XDH: variants seen among roughly 807,000 people sequenced by gnomAD.
The protein encoded by XDH is xanthine dehydrogenase/oxidase.
Under a neutral mutation model 156.1 loss-of-function variants are expected in XDH, and 138 were observed. The observed-to-expected ratio is 0.88, with a 90% CI of 0.77 to 1.02. The LOEUF is 1.02. Ranked by LOEUF, XDH falls within the 50% of genes least tolerant of loss-of-function variation. The pLI is 0.00. For missense variants in XDH, 1,849 were observed against 1,684.9 expected (o/e 1.10, Z -1.71); for synonymous variants, 669 against 625.7 (o/e 1.07, Z -1.03).
intron 23 of XDH, among the ~76,000 whole-genome samples, chr2:31,364,659 T>C (rs966729158): frequency 1.3e-5 from 2 of 152,118 alleles, no homozygotes; most frequent in Non-Finnish European, 2.9e-5. Flanking sequence ...AAGTTTCATT[T>C]CACAGGAGCA....
intron 24 of XDH, among the ~76,000 whole-genome samples, chr2:31,363,344 C>G (rs1013363873): frequency 6.6e-6 from 1 of 152,072 alleles, no homozygotes; most frequent in East Asian, 1.9e-4. Context: ...ATAGATGAAC[C>G]TACAAAACAT....
intron 30 of XDH, among the ~76,000 whole-genome samples, chr2:31,346,341 G>A (rs747981832): frequency 2.0e-5 from 3 of 152,110 alleles, no homozygotes; most frequent in Non-Finnish European, 2.9e-5. Context: ...TTCTCCCCAC[G>A]CTGTCACAGA....
chr2:31,392,054 T>C (rs1277577502), intron 6 of XDH, among the ~76,000 whole-genome samples: 4 of 152,216 alleles, frequency 2.6e-5, no homozygotes, highest in African/African-American at 7.2e-5. Flanking sequence ...TTTCAAGGAA[T>C]TGTTTTATTT....
intron 24 of XDH, among the ~76,000 whole-genome samples, chr2:31,357,523 G>A (rs115100985): frequency 0.011 from 1,619 of 152,216 alleles, 15 homozygotes; most frequent in Non-Finnish European, 0.018. Flanking sequence ...GAGATAAAGA[G>A]TAGAATGATG....
intron 15 of XDH, among the ~76,000 whole-genome samples, chr2:31,375,023 C>CTTTCTTTTTTTT (rs765524563): frequency 1.1e-5 from 1 of 92,350 alleles, no homozygotes; most frequent in African/African-American, 5.0e-5. Context: ...TTCTTTCTTT[C>CTTTCTTTTTTTT]TTTTTTTTTT....
intron 20 of XDH, 136 bp from the exon 21 acceptor site, chr2:31,367,130 C>T: frequency 6.8e-7 from 1 of 1,465,200 alleles, no homozygotes; most frequent in Non-Finnish European, 9.3e-7. Context: ...CAAGGTTTCC[C>T]ACTTGGGGTG....
At chr2:31,370,230 C>T in intron 18 of XDH, 125 bp downstream of exon 18, 2 of 1,155,356 alleles carry the variant, frequency 1.7e-6, no homozygotes, top group Non-Finnish European at 2.5e-6. Context: ...TATGGGCCAA[C>T]TGGATGATGG....
intron 24 of XDH, among the ~76,000 whole-genome samples, chr2:31,363,491 C>T (rs920162473): frequency 6.6e-6 from 1 of 152,160 alleles, no homozygotes; most frequent in African/African-American, 2.4e-5. Flanking sequence ...ACAAATGATG[C>T]AAGACATCAT....
chr2:31,345,698 C>T (rs988820832), intron 30 of XDH, among the ~76,000 whole-genome samples: 11 of 151,986 alleles, frequency 7.2e-5, no homozygotes, highest in Admixed American at 2.0e-4. Context: ...TGTGTGTGCA[C>T]GCATGCTTGT....
chr2:31,391,253 T>C (rs573261398), intron 6 of XDH, among the ~76,000 whole-genome samples: 2 of 152,208 alleles, frequency 1.3e-5, no homozygotes, highest in African/African-American at 2.4e-5. Context: ...TATCGCCTTT[T>C]CTTCTTTGTG....
At chr2:31,349,877 T>G in intron 25 of XDH, 46 bp from the exon 26 acceptor site, 7 of 1,612,728 alleles carry the variant, frequency 4.3e-6, no homozygotes, top group Non-Finnish European at 5.1e-6. Context: ...GGCAAGAGAC[T>G]GTGGGGGCAG....
chr2:31,352,581 TG>T (rs1685514675), intron 24 of XDH, among the ~76,000 whole-genome samples: 1 of 152,236 alleles, frequency 6.6e-6, no homozygotes, highest in East Asian at 1.9e-4. Flanking sequence ...GCAGAAACAA[TG>T]TCATAGCCTT....
In XDH at chr2:31,397,717, C is replaced by A. The variant is rs148108999; in HGVS notation, c.446G>T (p.Arg149Leu). ...GAGGATGGGTCTGTAGCCTGTGCAG[C>A]GGCACAGATTTCCTGTGGGCCAAGG... ...IENAFQGNLC[R>L]CTGYRPILQG... Residue 149 changes from arginine to leucine, a missense_variant, in exon 6 of 36, where the codon CGC becomes CTC. Transcript: ENST00000379416. 4 of 1,614,168 alleles carry A rather than the reference C, an allele frequency of 2.5e-6. No individual in the cohort carries two copies. Among genetic ancestry groups the A allele is most frequent in the Non-Finnish European group, 3.4e-6 (4 of 1,180,024 alleles).
intron 32 of XDH, among the ~76,000 whole-genome samples, chr2:31,341,797 G>T (rs1572509575): frequency 6.6e-6 from 1 of 152,114 alleles, no homozygotes; most frequent in Non-Finnish European, 1.5e-5. Flanking sequence ...GGGCCTGTAG[G>T]CTAATAATTA....
chr2:31,347,195 T>C (rs1685322280), intron 29 of XDH, among the ~76,000 whole-genome samples: 1 of 152,204 alleles, frequency 6.6e-6, no homozygotes, highest in Non-Finnish European at 1.5e-5. Context: ...AACCTGCCTC[T>C]ATAATCAAAT....
chr2:31,393,091 A>C (rs1035184233), intron 6 of XDH, among the ~76,000 whole-genome samples: 1 of 152,242 alleles, frequency 6.6e-6, no homozygotes, highest in Admixed American at 6.5e-5. Context: ...TGAGCTTGAG[A>C]AAAATGTCTT....
At chr2:31,366,180 T>C in intron 21 of XDH, 71 bp from the exon 22 acceptor site, 1 of 1,612,626 alleles carries the variant, frequency 6.2e-7, no homozygotes, top group Non-Finnish European at 8.5e-7. Context: ...AGGCAGAGCC[T>C]GTCCAACATG....
intron 24 of XDH, among the ~76,000 whole-genome samples, chr2:31,354,084 C>T (rs748493762): frequency 2.0e-5 from 3 of 152,178 alleles, no homozygotes; most frequent in African/African-American, 7.2e-5. Context: ...AAAGAGGCCA[C>T]CCACACCATG....
intron 1 of XDH, among the ~76,000 whole-genome samples, chr2:31,414,156 T>C (rs1273938052): frequency 1.3e-5 from 2 of 152,150 alleles, no homozygotes; most frequent in African/African-American, 4.8e-5. Context: ...TATAATATAT[T>C]AGAATCAAAG....
Sources: gnomAD v4.1 joint callset for allele counts (sites outside exome capture counted in the v4.1 genomes callset) on GRCh38, gnomAD v4.1.1 for gene constraint, MANE v1.5 for transcripts, NCBI Gene and HGNC (gene_info 2026-07-23, HGNC 2026-07-21) for gene names.